Variants in MACROD2 observed in about 807,000 individuals in gnomAD.
MACROD2 encodes ADP-ribose glycohydrolase MACROD2.
MACROD2 carries 36 observed loss-of-function variants against 70.4 expected under a neutral mutation model. The ratio of observed to expected loss-of-function variants is 0.51; its 90% CI spans 0.39 to 0.68. MACROD2 has a LOEUF of 0.68. MACROD2 is among the 30% of genes least tolerant of loss of function. The pLI is 0.00. For synonymous variants in MACROD2, 172 were observed against 178.8 expected, an observed-to-expected ratio of 0.96 and a Z score of 0.30; for missense variants, 496 against 538.4, an observed-to-expected ratio of 0.92 and a Z score of 0.78.
intron 3 of MACROD2, among the ~76,000 whole-genome samples, chr20:14,180,893 A>G (rs2081299976): frequency 6.6e-6 from 1 of 152,126 alleles, no homozygotes; most frequent in South Asian, 2.1e-4. Context: ...ATAAATATGT[A>G]TTATAAAGTA....
At chr20:15,803,545 A>G (rs1403694996) in intron 8 of MACROD2, among the ~76,000 whole-genome samples, 1 of 152,180 alleles carries the variant, frequency 6.6e-6, no homozygotes. Context: ...ATGGGAAATA[A>G]CATTAAAAAT....
At chr20:14,382,962 A>G (rs1336868291) in intron 3 of MACROD2, among the ~76,000 whole-genome samples, 8 of 152,232 alleles carry the variant, frequency 5.3e-5, no homozygotes, top group African/African-American at 1.9e-4. Flanking sequence ...AAAATTAAAA[A>G]TGTACATATG....
At chr20:15,211,718 C>T (rs1336227797) in intron 5 of MACROD2, among the ~76,000 whole-genome samples, 1 of 152,072 alleles carries the variant, frequency 6.6e-6, no homozygotes, top group Non-Finnish European at 1.5e-5. Flanking sequence ...GTCGTGCTTC[C>T]TGTACAGCCT....
intron 8 of MACROD2, among the ~76,000 whole-genome samples, chr20:15,702,522 G>T (rs2050475005): frequency 6.6e-6 from 1 of 152,016 alleles, no homozygotes. Context: ...TGTTGTTGTT[G>T]TTGCTGTTGT....
chr20:14,138,037 C>G (rs1172454264), intron 3 of MACROD2, among the ~76,000 whole-genome samples: 3 of 152,112 alleles, frequency 2.0e-5, no homozygotes, highest in African/African-American at 4.8e-5. Flanking sequence ...AAATGCAAAT[C>G]AAAACCACAG....
chr20:15,512,782 A>G (rs1254398487), intron 8 of MACROD2, among the ~76,000 whole-genome samples: 4 of 152,102 alleles, frequency 2.6e-5, no homozygotes, highest in Non-Finnish European at 5.9e-5. Context: ...AGATTTCTTT[A>G]AGGAATTAGG....
chr20:14,065,972 C>T (rs2053750828), intron 2 of MACROD2, among the ~76,000 whole-genome samples: 1 of 152,114 alleles, frequency 6.6e-6, no homozygotes, highest in South Asian at 2.1e-4. Context: ...GGGCAAGCAA[C>T]ATAACCTCTC....
intron 15 of MACROD2, among the ~76,000 whole-genome samples, chr20:16,021,923 A>G (rs536568415): frequency 1.3e-5 from 2 of 152,222 alleles, no homozygotes; most frequent in African/African-American, 2.4e-5. Flanking sequence ...CTGAATTAAT[A>G]AATGAATGAA....
chr20:15,206,527 G>A (rs1000127030), intron 5 of MACROD2, among the ~76,000 whole-genome samples: 1 of 151,768 alleles, frequency 6.6e-6, no homozygotes, highest in Non-Finnish European at 1.5e-5. Flanking sequence ...ACATCAGAAA[G>A]CATTTTATAT....
At chr20:14,665,722 G>T (rs1484699793) in intron 4 of MACROD2, among the ~76,000 whole-genome samples, 1 of 151,812 alleles carries the variant, frequency 6.6e-6, no homozygotes, top group African/African-American at 2.4e-5. Context: ...ATCTTTACTA[G>T]CATAATTAAC....
At chr20:15,212,461 G>A (rs1395896136) in intron 5 of MACROD2, among the ~76,000 whole-genome samples, 1 of 152,162 alleles carries the variant, frequency 6.6e-6, no homozygotes, top group Non-Finnish European at 1.5e-5. Flanking sequence ...TAATTTATGA[G>A]AACTAAAGTA....
chr20:15,406,189 A>G (rs1054187809), intron 6 of MACROD2, among the ~76,000 whole-genome samples: 5 of 152,190 alleles, frequency 3.3e-5, no homozygotes, highest in African/African-American at 1.2e-4. Context: ...TGCCGTTGTC[A>G]TTTACATTTG....
intron 3 of MACROD2, among the ~76,000 whole-genome samples, chr20:14,272,754 C>G (rs2082208430): frequency 1.3e-5 from 2 of 152,136 alleles, no homozygotes; most frequent in Admixed American, 1.3e-4. Context: ...AAACCCATCT[C>G]ACATGCAGAG....
intron 5 of MACROD2, among the ~76,000 whole-genome samples, chr20:15,051,396 G>A (rs1004680187): frequency 8.9e-6 from 1 of 112,362 alleles, no homozygotes; most frequent in Non-Finnish European, 1.9e-5. Context: ...GTGTGTGTGT[G>A]TGTCATAGCA....
At chr20:14,632,233 A>T (rs74489867) in intron 4 of MACROD2, among the ~76,000 whole-genome samples, 1 of 152,110 alleles carries the variant, frequency 6.6e-6, no homozygotes, top group Admixed American at 6.5e-5. Context: ...TTCTGGCAAA[A>T]ATCAGTCCTT....
chr20:15,461,546 G>A (rs1009682632), intron 7 of MACROD2, among the ~76,000 whole-genome samples: 5 of 152,182 alleles, frequency 3.3e-5, no homozygotes, highest in Non-Finnish European at 7.3e-5. Context: ...CTGGAGTACA[G>A]TGGACAAGTT....
chr20:15,814,033 C>T (rs1473247707), intron 8 of MACROD2, among the ~76,000 whole-genome samples: 4 of 151,984 alleles, frequency 2.6e-5, no homozygotes, highest in Non-Finnish European at 5.9e-5. Context: ...AGAGGTAAGA[C>T]CCCTTTGCTC....
At chr20:15,504,493 T>G (rs913476160) in intron 8 of MACROD2, among the ~76,000 whole-genome samples, 3 of 152,138 alleles carry the variant, frequency 2.0e-5, no homozygotes, top group Non-Finnish European at 4.4e-5. Flanking sequence ...GAATATTCAC[T>G]ACTGAGAACC....
At chr20:15,727,990 G>T (rs2050889313) in intron 8 of MACROD2, among the ~76,000 whole-genome samples, 1 of 151,702 alleles carries the variant, frequency 6.6e-6, no homozygotes, top group Admixed American at 6.6e-5. Context: ...TTCCTCCAGG[G>T]GAATGCTTCC....
Sources: gnomAD v4.1 joint callset for allele counts (sites outside exome capture counted in the v4.1 genomes callset) on GRCh38, gnomAD v4.1.1 for gene constraint, MANE v1.5 for transcripts, NCBI Gene and HGNC (gene_info 2026-07-23, HGNC 2026-07-21) for gene names.